Variants in GLIS3 observed in about 807,000 individuals in gnomAD.
GLIS3 encodes zinc finger protein GLIS3.
A neutral mutation model predicts 78.6 loss-of-function variants in GLIS3; 53 were observed. The observed-to-expected ratio is 0.67, with a 90% CI of 0.54 to 0.85. GLIS3 has a LOEUF of 0.85. GLIS3 is among the 40% of genes least tolerant of loss of function. The pLI is 0.00. For missense variants in GLIS3, 1,703 were observed against 1,231.1 expected (o/e 1.38, Z -5.74); for synonymous variants, 684 against 509.9 (o/e 1.34, Z -4.60).
chr9:3,867,734 C>T (rs7466456), intron 8 of GLIS3, among the ~76,000 whole-genome samples: 1,376 of 14,938 alleles, frequency 0.092, 15 homozygotes, highest in South Asian at 0.29. Context: ...TGTGTGCGTG[C>T]GTGTGTGTGT....
intron 4 of GLIS3, among the ~76,000 whole-genome samples, chr9:3,995,104 C>T (rs753741418): frequency 1.3e-5 from 2 of 151,946 alleles, no homozygotes; most frequent in African/African-American, 2.4e-5. Flanking sequence ...ACAAAGTCAG[C>T]AAATAAACTG....
intron 4 of GLIS3, among the ~76,000 whole-genome samples, chr9:4,003,776 T>C (rs1335651841): frequency 6.6e-6 from 1 of 152,216 alleles, no homozygotes; most frequent in East Asian, 1.9e-4. Flanking sequence ...TGGTGAGCTG[T>C]CTCATGGAAA....
chr9:4,361,461 A>G, the GLIS3 span, among the ~76,000 whole-genome samples: 1 of 152,240 alleles, frequency 6.6e-6, no homozygotes, highest in South Asian at 2.1e-4. Context: ...ACAACAGTTC[A>G]TATAAATACA....
At chr9:4,189,599 A>C (rs1421042986) in intron 2 of GLIS3, among the ~76,000 whole-genome samples, 1 of 152,092 alleles carries the variant, frequency 6.6e-6, no homozygotes, top group Admixed American at 6.5e-5. Flanking sequence ...TGGGGTGTTA[A>C]AGTCTCCCAT....
chr9:3,971,704 C>T (rs73386202), intron 4 of GLIS3, among the ~76,000 whole-genome samples: 9,729 of 152,236 alleles, frequency 0.064, 757 homozygotes, highest in African/African-American at 0.18. Context: ...CTATTTCGTG[C>T]ATTTACACTT....
At chr9:4,209,721 C>T (rs1417802292) in intron 2 of GLIS3, among the ~76,000 whole-genome samples, 2 of 152,122 alleles carry the variant, frequency 1.3e-5, no homozygotes, top group Non-Finnish European at 2.9e-5. Context: ...ACATTCTGAG[C>T]TAGCTAATTC....
chr9:3,888,635 C>T (rs1822233119), intron 7 of GLIS3, among the ~76,000 whole-genome samples: 1 of 152,194 alleles, frequency 6.6e-6, no homozygotes, highest in Non-Finnish European at 1.5e-5. Context: ...GGCGAAACTG[C>T]ATCGACAATG....
intron 7 of GLIS3, among the ~76,000 whole-genome samples, chr9:3,887,362 C>T (rs1167837428): frequency 6.6e-6 from 1 of 152,088 alleles, no homozygotes; most frequent in Non-Finnish European, 1.5e-5. Flanking sequence ...TACCTGGCAA[C>T]GGATAAACAA....
the GLIS3 span, among the ~76,000 whole-genome samples, chr9:4,374,104 C>A: frequency 2.0e-5 from 3 of 152,194 alleles, no homozygotes; most frequent in Non-Finnish European, 4.4e-5. Flanking sequence ...AATCTGTCCA[C>A]CTGTATTCCT....
intron 2 of GLIS3, among the ~76,000 whole-genome samples, chr9:4,284,634 G>C (rs1343514170): frequency 1.3e-5 from 2 of 151,978 alleles, no homozygotes; most frequent in African/African-American, 2.4e-5. Flanking sequence ...ATTAAGGCCT[G>C]GCACGGTGGC....
At chr9:4,106,063 C>T (rs1034714303) in intron 4 of GLIS3, among the ~76,000 whole-genome samples, 1 of 152,196 alleles carries the variant, frequency 6.6e-6, no homozygotes, top group Non-Finnish European at 1.5e-5. Context: ...CAAACGGCAC[C>T]TGTCCCATTG....
chr9:4,168,581 G>A (rs1201494738), intron 2 of GLIS3, among the ~76,000 whole-genome samples: 2 of 152,124 alleles, frequency 1.3e-5, no homozygotes, highest in Non-Finnish European at 2.9e-5. Context: ...AATATTATGT[G>A]CTAAACAAAG....
chr9:4,450,428 G>A, the GLIS3 span, among the ~76,000 whole-genome samples: 2 of 152,120 alleles, frequency 1.3e-5, 1 homozygote, highest in Admixed American at 1.3e-4. Context: ...CACTCTGCAG[G>A]ATATTATCCA....
chr9:4,395,825 G>A, the GLIS3 span, among the ~76,000 whole-genome samples: 5 of 148,244 alleles, frequency 3.4e-5, no homozygotes, highest in Non-Finnish European at 5.9e-5. Flanking sequence ...CCGGGCTGGA[G>A]TGCAATGGCA....
At chr9:4,055,980 C>A (rs1826123038) in intron 4 of GLIS3, among the ~76,000 whole-genome samples, 1 of 152,168 alleles carries the variant, frequency 6.6e-6, no homozygotes, top group African/African-American at 2.4e-5. Flanking sequence ...TCCTCCTTTG[C>A]CAACATGATG....
chr9:4,379,862 C>T, the GLIS3 span, among the ~76,000 whole-genome samples: 1 of 152,038 alleles, frequency 6.6e-6, no homozygotes, highest in Non-Finnish European at 1.5e-5. Context: ...TATTATATTG[C>T]AAAGAATAGG....
Position 3,949,834 on chromosome 9 carries a change from C to CTTT in GLIS3, c.1711-12646_1711-12645insAAA, listed in dbSNP as rs1816556285. 1.2e-4 allele frequency among the ~76,000 whole-genome samples: 19 copies of CTTT among 152,272 alleles called. No homozygotes were observed. In the South Asian group the frequency reaches 3.7e-3, roughly 30 times the overall value. On this transcript the variant is annotated intron_variant, in intron 4 of 10. Transcript: ENST00000381971. ...AGAAAGAGAAAAATAGTTCATTTTG[C>CTTT]TATTTTCCGTTGGTGGATATAAGAA... is the stretch of plus-strand genomic sequence containing the variant.
chr9:4,251,648 T>C (rs938220748), intron 2 of GLIS3, among the ~76,000 whole-genome samples: 15 of 152,160 alleles, frequency 9.9e-5, no homozygotes, highest in African/African-American at 3.6e-4. Flanking sequence ...ATCCTGTCAT[T>C]ATGATGCTAG....
the GLIS3 span, among the ~76,000 whole-genome samples, chr9:4,401,670 C>G: frequency 6.6e-6 from 1 of 151,712 alleles, no homozygotes; most frequent in East Asian, 1.9e-4. Flanking sequence ...TGGGTTCAAG[C>G]GATTCTCATG....
Sources: gnomAD v4.1 joint callset for allele counts (sites outside exome capture counted in the v4.1 genomes callset) on GRCh38, gnomAD v4.1.1 for gene constraint, MANE v1.5 for transcripts, NCBI Gene and HGNC (gene_info 2026-07-23, HGNC 2026-07-21) for gene names.